Variants in SIM2 observed in about 807,000 individuals in gnomAD.
SIM2 encodes the protein single-minded homolog 2.
SIM2 carries 28 observed loss-of-function variants against 64.8 expected under a neutral mutation model. The ratio of observed to expected loss-of-function variants is 0.43; its 90% CI spans 0.32 to 0.59. The LOEUF (loss-of-function observed/expected upper bound fraction) is 0.59, where lower values mean the gene tolerates loss of function less well. Ranked by LOEUF, SIM2 falls within the 20% of genes least tolerant of loss-of-function variation. The pLI, the probability that SIM2 is intolerant of heterozygous loss-of-function variation, is 0.07. For missense variants in SIM2, 847 were observed against 871.4 expected (o/e 0.97, Z 0.35); for synonymous variants, 408 against 391.1 (o/e 1.04, Z -0.51).
chr21:36,741,941 ATC>A, intron 8 of SIM2, 77 bp downstream of exon 8: 1 of 1,325,114 alleles, frequency 7.5e-7, no homozygotes. Flanking sequence ...AATAAGCACC[ATC>A]TCTCTTTCTC....
At position 36,699,595 on chromosome 21, in the gene SIM2, AC is replaced by A. The variant is rs2088453704; in HGVS notation, c.-148del. 1.4e-6 allele frequency: 1 copy of A among 722,142 alleles called. No individual in the cohort carries two copies. Among genetic ancestry groups the A allele is most frequent in the Non-Finnish European group, 2.1e-6 (1 of 482,762 alleles). 44.7% of individuals were successfully genotyped at this position (722,142 alleles called of 1,614,324 possible). On this transcript the variant is annotated 5_prime_UTR_variant, in exon 1 of 11. Transcript: ENST00000290399. This position sits in a 1 kb window ranked among gnomAD's most constrained non-coding sequence, Gnocchi z 5.6. ...GGCGGCTGCGGGGAGGCGTCTCGGA[AC>A]CCCGGGAGGCCCCCCGCACCTGCCC...
In SIM2 at chr21:36,723,053, A is replaced by T; in HGVS notation, c.466A>T (p.Ile156Leu). The change falls in exon 5 of 11, where the codon ATA becomes TTA. Residue 156 changes from isoleucine (I) to leucine (L), a missense_variant. Ile to Leu is a conservative substitution (Grantham distance 5). Coordinates refer to ENST00000290399, the MANE Select transcript of SIM2 (RefSeq NM_005069.6). ...CTTGCTCCTGCTTGCAGAGTATGAG[A>T]TAGAGAGGTCGTTCTTTCTTCGAAT... ...LHHHLLQEYE[I>L]ERSFFLRMKC... is the part of the protein sequence containing the mutation. The T allele has an allele frequency of 6.2e-7, 1 of 1,614,008 alleles. No individual in the cohort carries two copies. Among genetic ancestry groups the T allele is most frequent in the Non-Finnish European group, 8.5e-7 (1 of 1,179,890 alleles).
chr21:36,712,528 T>C lies in SIM2; in HGVS notation c.259-5T>C. The C allele has an allele frequency of 6.3e-7, 1 of 1,597,120 alleles. No individual in the cohort carries two copies. On this transcript the variant is annotated splice_region_variant and splice_polypyrimidine_tract_variant and intron_variant, in intron 2 of 10. Coordinates refer to ENST00000290399, the MANE Select transcript of SIM2 (RefSeq NM_005069.6). ...TCTCTTATTCTGACACTTTATCTTT[T>C]ACAGACTTTGGATGGATTTGTTTTT...
intron 5 of SIM2, among the ~76,000 whole-genome samples, chr21:36,723,984 C>A (rs1005590017): frequency 2.0e-5 from 3 of 152,226 alleles, no homozygotes; most frequent in African/African-American, 4.8e-5. Flanking sequence ...GACATCATAA[C>A]CCATCAATAT....
At chr21:36,705,731 A>G (rs2088571506) in intron 1 of SIM2, among the ~76,000 whole-genome samples, 1 of 151,802 alleles carries the variant, frequency 6.6e-6, no homozygotes, top group Non-Finnish European at 1.5e-5. Context: ...GATTTACCAC[A>G]CTCCCAGGTC....
chr21:36,741,167 G>A (rs1235830079), intron 7 of SIM2, among the ~76,000 whole-genome samples: 2 of 152,216 alleles, frequency 1.3e-5, no homozygotes, highest in Non-Finnish European at 2.9e-5. Flanking sequence ...AAATTAATGG[G>A]CCCAAGGAAA....
chr21:36,746,928 T>C (rs1859486765), intron 10 of SIM2, among the ~76,000 whole-genome samples: 1 of 152,200 alleles, frequency 6.6e-6, no homozygotes, highest in Non-Finnish European at 1.5e-5. Flanking sequence ...ACACACTTGA[T>C]AAAAAGTGGA....
intron 7 of SIM2, among the ~76,000 whole-genome samples, chr21:36,737,961 CAAAAAAAA>C (rs61252184): frequency 1.5e-4 from 5 of 34,136 alleles, no homozygotes; most frequent in South Asian, 4.2e-3. Flanking sequence ...GACCCTGTCT[CAAAAAAAA>C]AAAAAAAAAA....
At chr21:36,703,719 GGGCAGCGCTGA>G (rs2123410771) in intron 1 of SIM2, among the ~76,000 whole-genome samples, 1 of 152,352 alleles carries the variant, frequency 6.6e-6, no homozygotes, top group Non-Finnish European at 1.5e-5. Flanking sequence ...CTCGGGGCTG[GGGCAGCGCTGA>G]GGTCTGATGG....
chr21:36,744,814 T>C lies in SIM2; in HGVS notation c.1254T>C (p.Pro418=). The C allele has an allele frequency of 6.2e-7, 1 of 1,614,156 alleles. No homozygotes were observed. The highest frequency in any genetic ancestry group is 8.5e-7 in the Non-Finnish European group (1 of 1,180,014). Residue 418 remains proline (P), a synonymous_variant, in exon 10 of 11, where the codon CCT becomes CCC. Coordinates refer to ENST00000290399, the MANE Select transcript of SIM2 (RefSeq NM_005069.6). ...RASPPASAAA[P]PELQPHSESS... ...GTCCCCCTGCAAGCGCTGCTGCTCC[T>C]CCAGAACTGCAGCCCCACTCAGAAA...
rs1479512535 is a variant in SIM2 at position 36,747,952 on chromosome 21, C to G, written c.1864C>G (p.Leu622Val). Residue 622 changes from leucine to valine, a missense_variant, in exon 11 of 11, where the codon CTG (leucine) becomes GTG (valine). Leu to Val is a conservative substitution (Grantham distance 32). This residue lies in a region of SIM2 where 447 missense variants were observed against 414.6 expected (regional missense o/e 1.08). Coordinates refer to ENST00000290399, the MANE Select transcript of SIM2 (RefSeq NM_005069.6). This position sits in a 1 kb window ranked among gnomAD's most constrained non-coding sequence, Gnocchi z 4.5. The stretch of plus-strand genomic sequence containing the variant: ...GGGCGCCGCACCCGCCGCCTCCGGC[C>G]TGGCCTGCGCTCCCGGCGGCCCCGA... The part of the protein sequence containing the change: ...LGGAAPAASG[L>V]ACAPGGPEAA... 24 of 1,001,508 alleles carry G rather than the reference C, an allele frequency of 2.4e-5. No individual in the cohort carries two copies. The East Asian group carries it at 4.2e-4, about 18-fold the overall frequency. 62.0% of individuals were successfully genotyped at this position (1,001,508 alleles called of 1,614,324 possible). A position where few individuals can be genotyped will look rare whatever the true frequency, so the allele number is the denominator to read the frequency against.
chr21:36,712,438 T>C (rs1386733676), intron 2 of SIM2, 95 bp from the exon 3 acceptor site: 1 of 841,864 alleles, frequency 1.2e-6, no homozygotes, highest in Non-Finnish European at 2.0e-6. Context: ...ATGGTCATAT[T>C]TGATGCATCC....
At chr21:36,716,497 TAAAGAC>T (rs2088748514) in intron 3 of SIM2, among the ~76,000 whole-genome samples, 1 of 152,152 alleles carries the variant, frequency 6.6e-6, no homozygotes, top group Admixed American at 6.6e-5. Flanking sequence ...ACTTTTGAAA[TAAAGAC>T]AAAAGACAAC....
intron 7 of SIM2, among the ~76,000 whole-genome samples, chr21:36,732,935 C>T (rs2088990501): frequency 6.6e-6 from 1 of 152,150 alleles, no homozygotes; most frequent in African/African-American, 2.4e-5. Flanking sequence ...GCCTCGAGGG[C>T]ATAGAGCTGT....
chr21:36,733,130 C>A lies in SIM2; in HGVS notation c.850+1979C>A, dbSNP rs1182363453. Reference sequence around the variant, plus strand: ...AATGCTGGGGAGTTTAAAGCATACCCCCGAATTACAGCAAGAGAAGACTTG... The same window carrying A: ...AATGCTGGGGAGTTTAAAGCATACCACCGAATTACAGCAAGAGAAGACTTG... On this transcript the variant is annotated intron_variant, in intron 7 of 10. Coordinates refer to ENST00000290399, the MANE Select transcript of SIM2 (RefSeq NM_005069.6). Among the ~76,000 whole-genome samples, 3 of 152,188 alleles carry A rather than the reference C, an allele frequency of 2.0e-5. No individual in the cohort carries two copies. The East Asian group carries it at 5.8e-4, about 29-fold the overall frequency.
In SIM2 at chr21:36,748,004, G is replaced by C; in HGVS notation, c.1916G>C (p.Arg639Pro). Residue 639 changes from arginine to proline, a missense_variant, in exon 11 of 11, where the codon CGG becomes CCG. By Grantham distance (103) the Arg-to-Pro change is moderately radical. This residue lies in a region of SIM2 where 447 missense variants were observed against 414.6 expected (regional missense o/e 1.08). Coordinates refer to ENST00000290399, the MANE Select transcript of SIM2 (RefSeq NM_005069.6). ...GCGGCGACCGGCGCGCTGCGGCTCCGGCACCCGAGCCCCGCCGCCACCTCC... is the reference window on the plus strand; with the variant it reads ...GCGGCGACCGGCGCGCTGCGGCTCCCGCACCCGAGCCCCGCCGCCACCTCC... ...PEAATGALRL[R>P]HPSPAATSPP... The C allele has an allele frequency of 8.9e-6, 10 of 1,123,354 alleles. No homozygotes were observed. Among genetic ancestry groups the C allele is most frequent in the Non-Finnish European group, 1.1e-5 (10 of 919,688 alleles). The allele number at this position is 1,123,354 out of a possible 1,614,324, so 69.6% of individuals were successfully genotyped here.
rs1055860136 is a variant in SIM2 at position 36,743,677 on chromosome 21, A to G, written c.1167+122A>G. On this transcript the variant is annotated intron_variant, in intron 9 of 10. Coordinates refer to ENST00000290399, the MANE Select transcript of SIM2 (RefSeq NM_005069.6). ...AGCAGGGATCTCCCTGCCGTGGAGC[A>G]AGGTCCCTCTGGGATGTCTTGCCTA... is the stretch of plus-strand genomic sequence containing the variant. 203 of 981,986 alleles carry G rather than the reference A, an allele frequency of 2.1e-4. 2 individuals are homozygous for G. The South Asian group carries it at 2.8e-3, about 13-fold the overall frequency. 60.8% of individuals were successfully genotyped at this position (981,986 alleles called of 1,614,324 possible).
chr21:36,737,240 T>G (rs1358895059), intron 7 of SIM2, among the ~76,000 whole-genome samples: 1 of 152,236 alleles, frequency 6.6e-6, no homozygotes. Context: ...CAGAACATTC[T>G]GTAAAGAAAA....
At chr21:36,730,261 G>T (rs1201193792) in intron 6 of SIM2, among the ~76,000 whole-genome samples, 1 of 152,178 alleles carries the variant, frequency 6.6e-6, no homozygotes, top group African/African-American at 2.4e-5. Context: ...GGAACCAAAT[G>T]TGGTGTCTAC....
Sources: gnomAD v4.1 joint callset for allele counts (sites outside exome capture counted in the v4.1 genomes callset) on GRCh38, gnomAD v4.1.1 for gene constraint, gnomAD v4.1.1 regional missense constraint, Gnocchi (gnomAD v3.1) non-coding constraint, MANE v1.5 for transcripts, NCBI Gene and HGNC (gene_info 2026-07-23, HGNC 2026-07-21) for gene names.